Variants in ZDHHC13 observed in about 807,000 individuals in gnomAD.
ZDHHC13 encodes zDHHC palmitoyltransferase 13, also known as palmitoyltransferase ZDHHC13.
In ZDHHC13, 85 loss-of-function variants were observed where a neutral mutation model predicts 86.0. The observed-to-expected ratio is 0.99, with a 90% CI of 0.83 to 1.18. ZDHHC13 has a LOEUF of 1.18. ZDHHC13 is among the 50% of genes most tolerant of loss of function. The pLI, the probability that ZDHHC13 is intolerant of heterozygous loss-of-function variation, is 0.00. For synonymous variants in ZDHHC13, 263 were observed against 246.4 expected (o/e 1.07, Z -0.63); for missense variants, 711 against 730.2 (o/e 0.97, Z 0.30).
In ZDHHC13 at chr11:19,176,121, A is replaced by T; in HGVS notation, c.*161A>T. On this transcript the variant is annotated 3_prime_UTR_variant, in exon 17 of 17. Transcript: ENST00000446113. ...AAAAGTTCTCAATAAAGGCATTACA[A>T]TTTTTTAGGTTTAGAAAGATGGACT... The T allele has an allele frequency of 1.6e-6, 1 of 609,854 alleles. No homozygotes were observed. Among genetic ancestry groups the T allele is most frequent in the Non-Finnish European group, 2.5e-6 (1 of 403,640 alleles). The allele number at this position is 609,854 out of a possible 1,614,324, so 37.8% of individuals were successfully genotyped here. A position where few individuals can be genotyped will look rare whatever the true frequency, so the allele number is the denominator to read the frequency against.
chr11:19,168,906 A>G lies in ZDHHC13; in HGVS notation c.1475-1505A>G, dbSNP rs982626556. 11 of 985,064 alleles carry G rather than the reference A, an allele frequency of 1.1e-5. No homozygotes were observed. The African/African-American group carries it at 1.7e-4, about 16-fold the overall frequency. The allele number at this position is 985,064 out of a possible 1,614,324, so 61.0% of individuals were successfully genotyped here. On this transcript the variant is annotated intron_variant, in intron 14 of 16. Coordinates refer to ENST00000446113, the MANE Select transcript of ZDHHC13 (RefSeq NM_019028.3). ...ACAGAAAGAAAGATTGTAGATTACC[A>G]TCAGGAAGAACTCTGTAACTGTCAG...
intron 16 of ZDHHC13, among the ~76,000 whole-genome samples, chr11:19,175,012 G>C (rs1565046369): frequency 6.6e-6 from 1 of 152,062 alleles, no homozygotes; most frequent in Non-Finnish European, 1.5e-5. Context: ...ACTATATCAG[G>C]GTTTTTGGAG....
chr11:19,144,972 C>T (rs570689267), intron 2 of ZDHHC13, among the ~76,000 whole-genome samples: 32 of 151,940 alleles, frequency 2.1e-4, no homozygotes, highest in Admixed American at 1.4e-3. Flanking sequence ...AGCCTGGTGT[C>T]GTGGCACACG....
chr11:19,139,828 T>C (rs1202748980), intron 1 of ZDHHC13, among the ~76,000 whole-genome samples: 10 of 118,386 alleles, frequency 8.4e-5, no homozygotes, highest in East Asian at 5.0e-4. Context: ...GATTCCCTAT[T>C]TAATAAATGG....
intron 1 of ZDHHC13, among the ~76,000 whole-genome samples, chr11:19,137,272 C>T (rs2133386191): frequency 6.6e-6 from 1 of 152,096 alleles, no homozygotes; most frequent in South Asian, 2.1e-4. Flanking sequence ...CAATCCTAGT[C>T]TCTGATAAAA....
At chr11:19,133,919 C>T (rs537835774) in intron 1 of ZDHHC13, among the ~76,000 whole-genome samples, 456 of 19,480 alleles carry the variant, frequency 0.023, 5 homozygotes, top group African/African-American at 0.072. Context: ...CGAAAGAAGT[C>T]CATATATATA....
In ZDHHC13 at chr11:19,165,078, C is replaced by T; in HGVS notation, c.1323C>T (p.His441=). Residue 441 remains histidine, a synonymous_variant, in exon 13 of 17, where the codon CAC becomes CAT. Coordinates refer to ENST00000446113, the MANE Select transcript of ZDHHC13 (RefSeq NM_019028.3). ...TAAGGAAGCCATTAAGGTCACTCCA[C>T]TGCCATGTATGCAACTGCTGTGTGG... is the stretch of plus-strand genomic sequence containing the variant. ...CLIRKPLRSL[H]CHVCNCCVAR... is the part of the protein sequence containing the mutation. 6.2e-7 allele frequency: 1 copy of T among 1,613,046 alleles called. No homozygotes were observed. The highest frequency in any genetic ancestry group is 8.5e-7 in the Non-Finnish European group (1 of 1,179,448).
At chr11:19,128,540 A>G (rs1437071432) in intron 1 of ZDHHC13, among the ~76,000 whole-genome samples, 2 of 152,198 alleles carry the variant, frequency 1.3e-5, no homozygotes, top group Non-Finnish European at 2.9e-5. Context: ...TTTCTTTAAA[A>G]TTAAAAATTT....
intron 1 of ZDHHC13, among the ~76,000 whole-genome samples, chr11:19,141,055 T>G (rs1849305378): frequency 6.6e-6 from 1 of 151,742 alleles, no homozygotes; most frequent in Non-Finnish European, 1.5e-5. Flanking sequence ...CCCTAAAACT[T>G]TAAAGTAGTA....
At chr11:19,129,647 G>C (rs538041531) in intron 1 of ZDHHC13, among the ~76,000 whole-genome samples, 1 of 152,224 alleles carries the variant, frequency 6.6e-6, no homozygotes, top group African/African-American at 2.4e-5. Flanking sequence ...AGCTGGGTTT[G>C]ATGTATAGTC....
chr11:19,128,945 T>C (rs886613797), intron 1 of ZDHHC13, among the ~76,000 whole-genome samples: 34 of 152,240 alleles, frequency 2.2e-4, no homozygotes, highest in African/African-American at 8.2e-4. Context: ...TAATATGCTA[T>C]ACTGCCCAGG....
At chr11:19,138,763 G>A (rs1348364278) in intron 1 of ZDHHC13, among the ~76,000 whole-genome samples, 84 of 151,826 alleles carry the variant, frequency 5.5e-4, no homozygotes, top group Admixed American at 3.1e-3. Context: ...TTCAATATAC[G>A]CAAATCAATA....
chr11:19,128,640 T>G (rs890127583), intron 1 of ZDHHC13, among the ~76,000 whole-genome samples: 1 of 152,236 alleles, frequency 6.6e-6, no homozygotes, highest in Non-Finnish European at 1.5e-5. Context: ...GAATTGACTT[T>G]GGCACATTAT....
intron 13 of ZDHHC13, 124 bp downstream of exon 13, chr11:19,165,269 G>A: frequency 1.2e-6 from 1 of 833,414 alleles, no homozygotes. Flanking sequence ...CAATAGCAAT[G>A]GGCCCATGCA....
intron 1 of ZDHHC13, among the ~76,000 whole-genome samples, chr11:19,130,993 G>A (rs1263817559): frequency 2.6e-5 from 4 of 150,972 alleles, no homozygotes; most frequent in South Asian, 4.2e-4. Context: ...CCACAGGTGC[G>A]TGCCACCATG....
chr11:19,126,561 G>T (rs1405687599), intron 1 of ZDHHC13, among the ~76,000 whole-genome samples: 1 of 142,436 alleles, frequency 7.0e-6, no homozygotes, highest in Non-Finnish European at 1.5e-5. Flanking sequence ...TGTTGACCAG[G>T]CTGTTCTTGA....
chr11:19,128,085 A>G (rs555146239), intron 1 of ZDHHC13, among the ~76,000 whole-genome samples: 11 of 152,282 alleles, frequency 7.2e-5, no homozygotes, highest in South Asian at 4.1e-4. Flanking sequence ...ATCCGGGAGC[A>G]TGGGATGTCT....
At chr11:19,159,736 G>A (rs1849858397) in intron 10 of ZDHHC13, among the ~76,000 whole-genome samples, 2 of 152,088 alleles carry the variant, frequency 1.3e-5, no homozygotes, top group Admixed American at 1.3e-4. Flanking sequence ...TCAGGGCCCA[G>A]GACCAAGTCC....
chr11:19,127,167 A>G (rs757280530), intron 1 of ZDHHC13, among the ~76,000 whole-genome samples: 1 of 152,172 alleles, frequency 6.6e-6, no homozygotes, highest in Non-Finnish European at 1.5e-5. Context: ...GTGAAGTGGT[A>G]TCTCATTGTG....
Sources: allele counts gnomAD v4.1 joint callset (sites outside exome capture counted in the v4.1 genomes callset), GRCh38; gene constraint gnomAD v4.1.1; transcripts MANE v1.5; gene names NCBI Gene and HGNC (gene_info 2026-07-23, HGNC 2026-07-21).